SHANK2: variants seen among roughly 807,000 people sequenced by gnomAD.
SHANK2 encodes the protein SH3 and multiple ankyrin repeat domains protein 2.
A neutral mutation model predicts 133.7 loss-of-function variants in SHANK2; 43 were observed. That is an observed-to-expected ratio of 0.32 (90% CI 0.25 to 0.41). SHANK2 has a LOEUF of 0.41. Among genes scored for constraint, SHANK2 ranks in the 10% least tolerant of loss-of-function variants. The pLI is 1.00. For synonymous variants in SHANK2, 1,017 were observed against 952.8 expected (o/e 1.07, Z -1.24); for missense variants, 1,994 against 2,235.8 (o/e 0.89, Z 2.18).
intron 14 of SHANK2, among the ~76,000 whole-genome samples, chr11:70,737,201 T>A (rs1478212463): frequency 6.6e-6 from 1 of 152,162 alleles, no homozygotes; most frequent in African/African-American, 2.4e-5. Flanking sequence ...GGTAGGGGAC[T>A]GGCTTCTGGG....
rs1433833475 is a variant in SHANK2, at chr11:71,056,539, A to G, written c.1049T>C (p.Leu350Pro). 6.6e-6 allele frequency: 1 copy of G among 152,220 alleles called. No homozygotes were observed. The highest frequency in any genetic ancestry group is 2.4e-5 in the African/African-American group (1 of 41,462). The allele number at this position is 152,220 out of a possible 1,614,324, so 9.4% of individuals were successfully genotyped here. A position where few individuals can be genotyped will look rare whatever the true frequency, so the allele number is the denominator to read the frequency against. The part of the protein sequence containing the change: ...LYNQDSCARV[L>P]LFRGGNKELK... ...CTCCTTATTTCCGCCTCGAAACAGA[A>G]GCACTCTTGCACAGCTGTCCTGCAA... Residue 350 changes from leucine (L) to proline (P), a missense_variant, in exon 10 of 26, where the codon CTT becomes CCT. Coordinates refer to ENST00000601538, the MANE Select transcript of SHANK2 (RefSeq NM_012309.5).
chr11:71,246,635 C>A (rs541536496), intron 1 of SHANK2, among the ~76,000 whole-genome samples: 2 of 152,204 alleles, frequency 1.3e-5, no homozygotes, highest in South Asian at 4.2e-4. Context: ...CAAGTCTTTC[C>A]TGAAATTGCT....
chr11:71,181,008 G>A (rs1470680925), intron 2 of SHANK2, among the ~76,000 whole-genome samples: 4 of 151,796 alleles, frequency 2.6e-5, no homozygotes, highest in East Asian at 2.0e-4. Flanking sequence ...AAACAGCAGC[G>A]AAGGGATTTC....
chr11:70,653,391 C>G lies in SHANK2; in HGVS notation c.2061+6437G>C, dbSNP rs997441008. 6.6e-5 allele frequency among the ~76,000 whole-genome samples: 10 copies of G among 152,158 alleles called. No homozygotes were observed. In the East Asian group the frequency reaches 1.4e-3, roughly 21 times the overall value. On this transcript the variant is annotated intron_variant, in intron 17 of 25. Transcript: ENST00000601538. ...CAGCTTGGTTGCAAAGTCAAACATG[C>G]TAGAGGCCACCTCACATTTCTCAAG... is the stretch of plus-strand genomic sequence containing the variant.
rs1461675916 is a variant in SHANK2, at chr11:71,152,957, AAAC to A, written c.-12-5622_-12-5620del. On this transcript the variant is annotated intron_variant, in intron 2 of 25. Transcript: ENST00000601538. ...CGCAAGTCCCATCTGCATTTCAGAC[AAAC>A]AACAAAGACACTTTACTGCATGTCC... is the stretch of plus-strand genomic sequence containing the variant. Among the ~76,000 whole-genome samples, 4 of 152,220 alleles carry A rather than the reference AAAC, an allele frequency of 2.6e-5. No homozygotes were observed. The East Asian group carries it at 7.7e-4, about 29-fold the overall frequency.
At chr11:71,128,946 G>A (rs1346113644) in intron 3 of SHANK2, among the ~76,000 whole-genome samples, 3 of 152,068 alleles carry the variant, frequency 2.0e-5, no homozygotes, top group African/African-American at 2.4e-5. Context: ...CACCACGCCC[G>A]GCTAATTTTT....
intron 17 of SHANK2, among the ~76,000 whole-genome samples, chr11:70,543,909 A>G (rs1376697520): frequency 6.6e-6 from 1 of 152,144 alleles, no homozygotes; most frequent in Non-Finnish European, 1.5e-5. Context: ...TGTCCGAGGG[A>G]ACCGATTGCT....
At chr11:70,756,494 C>T (rs1328632355) in intron 14 of SHANK2, among the ~76,000 whole-genome samples, 1 of 152,160 alleles carries the variant, frequency 6.6e-6, no homozygotes, top group East Asian at 1.9e-4. Flanking sequence ...CCAGAACAGG[C>T]ATTTGAATCC....
chr11:70,557,145 A>G (rs1395444443), intron 17 of SHANK2, among the ~76,000 whole-genome samples: 12 of 115,718 alleles, frequency 1.0e-4, no homozygotes, highest in Admixed American at 4.2e-4. Context: ...ATTGCACTAA[A>G]AGCCTCATTC....
intron 17 of SHANK2, among the ~76,000 whole-genome samples, chr11:70,512,389 C>G (rs1554969414): frequency 6.6e-6 from 1 of 152,170 alleles, no homozygotes; most frequent in Non-Finnish European, 1.5e-5. Context: ...GTATTGATAT[C>G]AAAATTTTAA....
intron 1 of SHANK2, among the ~76,000 whole-genome samples, chr11:71,247,825 G>T (rs1555125238): frequency 6.6e-6 from 1 of 152,194 alleles, no homozygotes; most frequent in African/African-American, 2.4e-5. Context: ...TAACCCCAGA[G>T]TCGCTACCAT....
intron 11 of SHANK2, among the ~76,000 whole-genome samples, chr11:70,846,426 G>A (rs1948998501): frequency 6.6e-6 from 1 of 152,036 alleles, no homozygotes; most frequent in Non-Finnish European, 1.5e-5. Context: ...ACCATGCCCG[G>A]CTAATTTTTA....
chr11:71,083,971 C>CTT (rs1184566420), intron 8 of SHANK2, among the ~76,000 whole-genome samples: 1 of 33,548 alleles, frequency 3.0e-5, no homozygotes, highest in African/African-American at 6.5e-5. Context: ...TGAATAACAA[C>CTT]TTTTTTTTGG....
At position 70,807,313 on chromosome 11, in the gene SHANK2, TG is replaced by T; in HGVS notation, c.1494-143del. On this transcript the variant is annotated intron_variant, in intron 12 of 25. Coordinates refer to ENST00000601538, the MANE Select transcript of SHANK2 (RefSeq NM_012309.5). This position sits in a 1 kb window ranked among gnomAD's most constrained non-coding sequence, Gnocchi z 4.8. ...GAACTCCTGATGCCAGACAGGAAGA[TG>T]GGAACAGGCCGGGGCAGCACTGTGG... is the stretch of plus-strand genomic sequence containing the variant. 1 of 641,092 alleles carries T rather than the reference TG, an allele frequency of 1.6e-6. No individual in the cohort carries two copies. 39.7% of individuals were successfully genotyped at this position (641,092 alleles called of 1,614,324 possible).
chr11:70,525,780 C>T (rs115452660), intron 17 of SHANK2, among the ~76,000 whole-genome samples: 1,957 of 152,112 alleles, frequency 0.013, 54 homozygotes, highest in African/African-American at 0.044. Flanking sequence ...AGCTAACCCC[C>T]CTCCTAGCCC....
At chr11:70,849,279 C>CA (rs1949048081) in intron 11 of SHANK2, among the ~76,000 whole-genome samples, 1 of 152,266 alleles carries the variant, frequency 6.6e-6, no homozygotes, top group Admixed American at 6.5e-5. Context: ...GACCCCATCT[C>CA]AATATATTAA....
At chr11:70,488,511 T>A (rs568019641) in intron 24 of SHANK2, among the ~76,000 whole-genome samples, 3 of 152,310 alleles carry the variant, frequency 2.0e-5, no homozygotes, top group Non-Finnish European at 1.5e-5. Flanking sequence ...TCTCTGGACC[T>A]TCAGAGAGAT....
At chr11:70,855,931 A>C (rs538422097) in intron 11 of SHANK2, among the ~76,000 whole-genome samples, 4 of 152,328 alleles carry the variant, frequency 2.6e-5, no homozygotes, top group Admixed American at 2.6e-4. Context: ...GAATGCATGG[A>C]TAGAGAGATG....
intron 1 of SHANK2, among the ~76,000 whole-genome samples, chr11:71,233,472 G>A (rs1328629204): frequency 3.3e-5 from 5 of 152,116 alleles, no homozygotes; most frequent in African/African-American, 1.2e-4. Flanking sequence ...GGGAAGAGGA[G>A]GGAAGATCAG....
Sources: allele counts gnomAD v4.1 joint callset (sites outside exome capture counted in the v4.1 genomes callset), GRCh38; gene constraint gnomAD v4.1.1; non-coding constraint Gnocchi (gnomAD v3.1); transcripts MANE v1.5; gene names NCBI Gene and HGNC (gene_info 2026-07-23, HGNC 2026-07-21).